LTBP1: variants seen among roughly 807,000 people sequenced by gnomAD.
The protein encoded by LTBP1 is latent transforming growth factor beta binding protein 1, also known as latent-transforming growth factor beta-binding protein 1.
LTBP1 carries 129 observed loss-of-function variants against 207.6 expected under a neutral mutation model. The observed-to-expected ratio is 0.62, with a 90% CI of 0.54 to 0.72. The LOEUF is 0.72. Among genes scored for constraint, LTBP1 ranks in the 30% least tolerant of loss-of-function variants. LTBP1 has a pLI of 0.00. For synonymous variants in LTBP1, 963 were observed against 833.7 expected (o/e 1.16, Z -2.67); for missense variants, 2,281 against 2,217.2 (o/e 1.03, Z -0.58).
intron 28 of LTBP1, 33 bp downstream of exon 28, chr2:33,361,548 A>C: frequency 7.0e-7 from 1 of 1,426,940 alleles, no homozygotes; most frequent in South Asian, 1.2e-5. Context: ...TTTTCAGCAC[A>C]TTGTGTACAT....
At chr2:33,007,421 A>G (rs775378197) in intron 2 of LTBP1, among the ~76,000 whole-genome samples, 4 of 152,258 alleles carry the variant, frequency 2.6e-5, no homozygotes, top group Non-Finnish European at 2.9e-5. Context: ...TGGTAATTTT[A>G]AAAGACTCTG....
intron 20 of LTBP1, among the ~76,000 whole-genome samples, chr2:33,298,587 A>T (rs2093925029): frequency 6.6e-6 from 1 of 152,270 alleles, no homozygotes; most frequent in Non-Finnish European, 1.5e-5. Flanking sequence ...AAAAGAAAAT[A>T]GTGACGTAGG....
intron 4 of LTBP1, among the ~76,000 whole-genome samples, chr2:33,120,333 C>T (rs1194016747): frequency 1.3e-5 from 2 of 152,184 alleles, no homozygotes; most frequent in East Asian, 3.9e-4. Flanking sequence ...CCTTCTCCCT[C>T]CTTTTACCCT....
At chr2:33,145,276 A>G (rs953897172) in intron 5 of LTBP1, among the ~76,000 whole-genome samples, 2 of 152,038 alleles carry the variant, frequency 1.3e-5, no homozygotes, top group African/African-American at 2.4e-5. Flanking sequence ...AAAAAAAAAA[A>G]CTTTATGCAA....
intron 9 of LTBP1, among the ~76,000 whole-genome samples, chr2:33,225,184 G>A (rs996945543): frequency 2.0e-5 from 3 of 152,006 alleles, no homozygotes; most frequent in Non-Finnish European, 4.4e-5. Context: ...GTGATGTTTT[G>A]ATACTTAAAA....
chr2:33,099,460 A>C (rs561314559), intron 3 of LTBP1, among the ~76,000 whole-genome samples: 10 of 151,012 alleles, frequency 6.6e-5, no homozygotes, highest in African/African-American at 2.4e-4. Context: ...TTCCCGTATG[A>C]AATATTTTTT....
intron 3 of LTBP1, among the ~76,000 whole-genome samples, chr2:33,029,598 T>G (rs2075594599): frequency 6.6e-6 from 1 of 152,236 alleles, no homozygotes; most frequent in African/African-American, 2.4e-5. Context: ...TAAAGTTTTA[T>G]AACTGCAAGT....
chr2:33,229,901 C>T (rs1241851429), intron 9 of LTBP1, among the ~76,000 whole-genome samples: 1 of 152,138 alleles, frequency 6.6e-6, no homozygotes, highest in East Asian at 1.9e-4. Context: ...TTTCATGGGT[C>T]CTCAAGGAGG....
chr2:33,170,944 G>A (rs2085382283), intron 5 of LTBP1, among the ~76,000 whole-genome samples: 1 of 152,168 alleles, frequency 6.6e-6, no homozygotes, highest in African/African-American at 2.4e-5. Context: ...ACCTGCAGCT[G>A]AGGGTCCTGT....
At chr2:33,011,465 A>G (rs1687662503) in intron 2 of LTBP1, among the ~76,000 whole-genome samples, 1 of 152,196 alleles carries the variant, frequency 6.6e-6, no homozygotes, top group South Asian at 2.1e-4. Flanking sequence ...GCCTTAATCC[A>G]GTGTGACTGA....
At chr2:33,152,644 G>C (rs889497050) in intron 5 of LTBP1, among the ~76,000 whole-genome samples, 1 of 152,222 alleles carries the variant, frequency 6.6e-6, no homozygotes, top group Non-Finnish European at 1.5e-5. Flanking sequence ...AGCCATACTA[G>C]TGGGTGTGAA....
chr2:32,985,743 G>A (rs576957103), intron 2 of LTBP1, among the ~76,000 whole-genome samples: 1 of 152,328 alleles, frequency 6.6e-6, no homozygotes, highest in South Asian at 2.1e-4. Flanking sequence ...GGAAGATGTT[G>A]AGGGGTGGCA....
chr2:33,324,844 G>C (rs1223852176), intron 24 of LTBP1, among the ~76,000 whole-genome samples: 1 of 151,798 alleles, frequency 6.6e-6, no homozygotes, highest in Non-Finnish European at 1.5e-5. Flanking sequence ...TGGGACTACA[G>C]GCATGTGCCA....
intron 3 of LTBP1, among the ~76,000 whole-genome samples, chr2:33,091,127 G>A (rs1277294237): frequency 6.6e-6 from 1 of 152,156 alleles, no homozygotes; most frequent in East Asian, 1.9e-4. Context: ...TATGAATGGA[G>A]GTTTGCCTGG....
At chr2:33,189,848 A>G (rs535638304) in intron 7 of LTBP1, among the ~76,000 whole-genome samples, 51 of 138,466 alleles carry the variant, frequency 3.7e-4, no homozygotes, top group African/African-American at 1.2e-3. Flanking sequence ...CAACATGATG[A>G]AACCCCGTCT....
intron 10 of LTBP1, among the ~76,000 whole-genome samples, chr2:33,247,325 T>C (rs553130234): frequency 6.6e-6 from 1 of 152,312 alleles, no homozygotes; most frequent in East Asian, 1.9e-4. Context: ...ATCTTATACA[T>C]TGGGAAACTA....
chr2:33,228,766 C>G (rs950142583), intron 9 of LTBP1, among the ~76,000 whole-genome samples: 7 of 128,652 alleles, frequency 5.4e-5, no homozygotes, highest in African/African-American at 1.8e-4. Context: ...GTGGTGCAAT[C>G]TCGGCTCACT....
At chr2:33,137,930 G>A in intron 5 of LTBP1, among the ~76,000 whole-genome samples, 1 of 152,200 alleles carries the variant, frequency 6.6e-6, no homozygotes, top group East Asian at 1.9e-4. Flanking sequence ...ACCTCATGGA[G>A]TTGTGTCTTG....
At chr2:33,208,551 G>A (rs2090049079) in intron 7 of LTBP1, among the ~76,000 whole-genome samples, 1 of 152,066 alleles carries the variant, frequency 6.6e-6, no homozygotes. Flanking sequence ...CAGGGTATGA[G>A]GATACCACCA....
Sources: allele counts gnomAD v4.1 joint callset (sites outside exome capture counted in the v4.1 genomes callset), GRCh38; gene constraint gnomAD v4.1.1; transcripts MANE v1.5; gene names NCBI Gene and HGNC (gene_info 2026-07-23, HGNC 2026-07-21).